The following KLRG1 variants were observed in gnomAD, a reference collection of about 807,000 sequenced individuals.
The protein encoded by KLRG1 is killer cell lectin like receptor G1, also known as killer cell lectin-like receptor subfamily G member 1.
A neutral mutation model predicts 21.8 loss-of-function variants in KLRG1; 16 were observed. The ratio of observed to expected loss-of-function variants is 0.73; its 90% CI spans 0.50 to 1.11. KLRG1 has a LOEUF of 1.11. Ranked by LOEUF, KLRG1 falls within the 50% of genes most tolerant of loss-of-function variation. The pLI, the probability that KLRG1 is intolerant of heterozygous loss-of-function variation, is 0.00. For synonymous variants in KLRG1, 69 were observed against 75.9 expected (o/e 0.91, Z 0.47); for missense variants, 173 against 218.3 (o/e 0.79, Z 1.31).
intron 3 of KLRG1, chr12:8,996,640 A>G (rs1428354483): frequency 6.6e-6 from 1 of 152,184 alleles, no homozygotes; most frequent in Non-Finnish European, 1.5e-5. Flanking sequence ...TTGGAATTCC[A>G]CATAGAATCT....
chr12:8,958,879 G>A (rs1168101471), intron 1 of KLRG1, among the ~76,000 whole-genome samples: 1 of 152,022 alleles, frequency 6.6e-6, no homozygotes, highest in African/African-American at 2.4e-5. Flanking sequence ...AAATCCTGCT[G>A]GGGTTACAAT....
chr12:9,204,217 C>A, the KLRG1 span, among the ~76,000 whole-genome samples: 1 of 152,164 alleles, frequency 6.6e-6, no homozygotes, highest in African/African-American at 2.4e-5. Context: ...GCATTCCTTG[C>A]TGTAAAGAGC....
the KLRG1 span, chr12:9,208,337 C>T: frequency 3.7e-4 from 595 of 1,612,476 alleles, 1 homozygote; most frequent in Non-Finnish European, 4.7e-4. Flanking sequence ...TCTGTCTTTC[C>T]GCATTGTGAG....
chr12:9,169,385 C>CA, the KLRG1 span: 1 of 1,485,524 alleles, frequency 6.7e-7, no homozygotes, highest in Non-Finnish European at 9.1e-7. Flanking sequence ...TATTAACATT[C>CA]AAAAACTCAC....
the KLRG1 span, chr12:9,196,441 T>C: frequency 6.2e-7 from 1 of 1,605,624 alleles, no homozygotes. Flanking sequence ...CTTCCAGGTC[T>C]GAAAAATATA....
intron 1 of KLRG1, among the ~76,000 whole-genome samples, chr12:8,966,134 TAC>T (rs1946467510): frequency 6.6e-6 from 1 of 152,138 alleles, no homozygotes; most frequent in African/African-American, 2.4e-5. Context: ...TGGCTAGCCA[TAC>T]ATAGAAAGCT....
the KLRG1 span, chr12:9,106,418 C>T: frequency 7.0e-7 from 1 of 1,434,000 alleles, no homozygotes; most frequent in Non-Finnish European, 9.7e-7. Flanking sequence ...CTCCCCCCAA[C>T]TTACAATTCA....
chr12:9,111,666 T>C, the KLRG1 span: 3 of 390,056 alleles, frequency 7.7e-6, no homozygotes, highest in South Asian at 5.9e-5. Flanking sequence ...AAGAAGTTAA[T>C]TTGGGAGAGA....
the KLRG1 span, among the ~76,000 whole-genome samples, chr12:9,015,907 G>A: frequency 1.3e-5 from 2 of 152,102 alleles, no homozygotes; most frequent in Admixed American, 1.3e-4. Context: ...GTTACTGAAT[G>A]ACAGGTGAGC....
the KLRG1 span, chr12:9,101,601 G>C: frequency 1.9e-6 from 3 of 1,613,906 alleles, no homozygotes; most frequent in African/African-American, 2.7e-5. Flanking sequence ...AAGATAAGCA[G>C]TGTGATGTGC....
the KLRG1 span, among the ~76,000 whole-genome samples, chr12:9,091,790 A>G: frequency 6.6e-6 from 1 of 152,200 alleles, no homozygotes; most frequent in African/African-American, 2.4e-5. Flanking sequence ...ATCTGTATTT[A>G]ACTCAGGATT....
the KLRG1 span, chr12:9,076,859 A>G: frequency 1.2e-6 from 2 of 1,613,500 alleles, no homozygotes; most frequent in Non-Finnish European, 1.7e-6. Context: ...TGGTATATAC[A>G]TGGCTGCCAT....
At chr12:9,096,556 T>C in the KLRG1 span, among the ~76,000 whole-genome samples, 3 of 152,340 alleles carry the variant, frequency 2.0e-5, no homozygotes, top group East Asian at 1.9e-4. Flanking sequence ...CTTCATATAA[T>C]ACATACAACT....
chr12:9,127,917 A>T, the KLRG1 span: 2 of 342,218 alleles, frequency 5.8e-6, no homozygotes, highest in South Asian at 2.6e-5. Context: ...GCGGGACAAG[A>T]TTCTTGGTGT....
the KLRG1 span, chr12:9,093,654 C>CA: frequency 0.14 from 70,654 of 490,220 alleles, 184 homozygotes; most frequent in East Asian, 0.18. Context: ...TAGTTGCCAC[C>CA]AAAAAAAAAA....
the KLRG1 span, chr12:9,202,293 C>T: frequency 6.3e-7 from 1 of 1,599,666 alleles, no homozygotes; most frequent in Non-Finnish European, 8.6e-7. Flanking sequence ...TACCCACAAC[C>T]CAAACCACAG....
At chr12:9,091,114 A>G in the KLRG1 span, 2 of 1,434,200 alleles carry the variant, frequency 1.4e-6, no homozygotes, top group Admixed American at 1.9e-5. Context: ...CATATTTTGC[A>G]TACAAGAGTT....
At chr12:9,101,036 T>G in the KLRG1 span, 74 of 1,009,254 alleles carry the variant, frequency 7.3e-5, no homozygotes, top group Admixed American at 1.7e-3. Flanking sequence ...CACCACCTGT[T>G]CCCCCAAAAA....
At chr12:8,976,918 T>C (rs1946665595) in intron 1 of KLRG1, among the ~76,000 whole-genome samples, 1 of 152,006 alleles carries the variant, frequency 6.6e-6, no homozygotes, top group Non-Finnish European at 1.5e-5. Context: ...GGCTAATTTT[T>C]TGTATTTTTT....
Sources: gnomAD v4.1 joint callset for allele counts (sites outside exome capture counted in the v4.1 genomes callset) on GRCh38, gnomAD v4.1.1 for gene constraint, MANE v1.5 for transcripts, NCBI Gene and HGNC (gene_info 2026-07-23, HGNC 2026-07-21) for gene names.